RGL1: variants seen among roughly 807,000 people sequenced by gnomAD.
RGL1 encodes the protein ral guanine nucleotide dissociation stimulator-like 1.
Under a neutral mutation model 95.2 loss-of-function variants are expected in RGL1, and 24 were observed. That is an observed-to-expected ratio of 0.25 (90% CI 0.18 to 0.35). The LOEUF (loss-of-function observed/expected upper bound fraction) is 0.35, where lower values mean the gene tolerates loss of function less well. Ranked by LOEUF, RGL1 falls within the 10% of genes least tolerant of loss-of-function variation. RGL1 has a pLI of 1.00. For missense variants in RGL1, 715 were observed against 936.3 expected, an observed-to-expected ratio of 0.76 and a Z score of 3.08; for synonymous variants, 329 against 344.9, an observed-to-expected ratio of 0.95 and a Z score of 0.51.
intron 1 of RGL1, among the ~76,000 whole-genome samples, chr1:183,685,635 C>T (rs770368505): frequency 6.6e-6 from 1 of 152,038 alleles, no homozygotes; most frequent in Non-Finnish European, 1.5e-5. Context: ...TGTAATAAAA[C>T]CTAGTATTAT....
chr1:183,856,256 C>T (rs954776541), intron 3 of RGL1, among the ~76,000 whole-genome samples: 16 of 151,114 alleles, frequency 1.1e-4, no homozygotes, highest in Admixed American at 2.0e-4. Context: ...GCAAAAAAAC[C>T]CAAAAAAACT....
At chr1:183,728,892 T>A (rs569049520) in intron 1 of RGL1, among the ~76,000 whole-genome samples, 1 of 152,298 alleles carries the variant, frequency 6.6e-6, no homozygotes, top group South Asian at 2.1e-4. Flanking sequence ...TGGAAAGGAA[T>A]ACCTTTTCAA....
intron 4 of RGL1, 119 bp downstream of exon 4, chr1:183,866,192 A>C: frequency 1.3e-6 from 1 of 755,274 alleles, no homozygotes; most frequent in Non-Finnish European, 2.2e-6. Flanking sequence ...TAGTGCATAC[A>C]GAGGCTTATT....
intron 10 of RGL1, 48 bp downstream of exon 10, chr1:183,897,945 C>T (rs760527332): frequency 3.1e-5 from 47 of 1,529,366 alleles, no homozygotes; most frequent in Admixed American, 1.0e-4. Flanking sequence ...GGAGAAGGGC[C>T]GTGTGCGTCT....
chr1:183,893,964 C>T (rs1667557160), intron 9 of RGL1, among the ~76,000 whole-genome samples: 1 of 152,178 alleles, frequency 6.6e-6, no homozygotes, highest in Admixed American at 6.5e-5. Flanking sequence ...ACTATTAGCC[C>T]TTCTTGGAGT....
At chr1:183,734,701 G>A (rs1054121004) in intron 1 of RGL1, among the ~76,000 whole-genome samples, 2 of 152,196 alleles carry the variant, frequency 1.3e-5, no homozygotes, top group Non-Finnish European at 2.9e-5. Context: ...GGACAGTCAT[G>A]TGATTTACAG....
chr1:183,738,969 G>T (rs1657119844), intron 1 of RGL1, among the ~76,000 whole-genome samples: 1 of 152,156 alleles, frequency 6.6e-6, no homozygotes, highest in African/African-American at 2.4e-5. Flanking sequence ...AAAAGGACAG[G>T]TTGGTAGCAG....
At chr1:183,910,112 C>T (rs776294662) in intron 14 of RGL1, among the ~76,000 whole-genome samples, 3 of 152,192 alleles carry the variant, frequency 2.0e-5, no homozygotes, top group South Asian at 2.1e-4. Context: ...CTTCCTCACT[C>T]GCTCTCTTTC....
intron 2 of RGL1, among the ~76,000 whole-genome samples, chr1:183,844,996 A>G (rs1198515656): frequency 6.6e-6 from 1 of 152,230 alleles, no homozygotes; most frequent in Admixed American, 6.5e-5. Flanking sequence ...GGTCTTTCTG[A>G]AAGCAATCCA....
At chr1:183,670,696 A>G (rs1652380186) in intron 1 of RGL1, among the ~76,000 whole-genome samples, 1 of 152,058 alleles carries the variant, frequency 6.6e-6, no homozygotes, top group South Asian at 2.1e-4. Context: ...TACTTTTCTG[A>G]TGGTTCTAAG....
chr1:183,843,372 G>A (rs184398793), intron 2 of RGL1, among the ~76,000 whole-genome samples: 107 of 152,356 alleles, frequency 7.0e-4, no homozygotes, highest in African/African-American at 2.6e-3. Flanking sequence ...GGGACTTACA[G>A]GAATCATGTA....
chr1:183,916,394 C>A lies in RGL1; in HGVS notation c.1750-53C>A, dbSNP rs1668971118. On this transcript the variant is annotated intron_variant, in intron 15 of 17. Transcript: ENST00000360851. ...TACCTCTGCTTTGAAAATTGCAAAG[C>A]TGTTGGCCAGCGTTCTAATCTGTTT... The A allele has an allele frequency of 1.3e-6, 2 of 1,595,356 alleles. 1 individual carries two copies. The highest frequency in any genetic ancestry group is 3.4e-5 in the Admixed American group (2 of 58,020).
chr1:183,654,895 C>T (rs1651035968), intron 1 of RGL1, among the ~76,000 whole-genome samples: 1 of 152,154 alleles, frequency 6.6e-6, no homozygotes, highest in African/African-American at 2.4e-5. Flanking sequence ...GGCAACATTC[C>T]ATTTAGGTTG....
At chr1:183,700,930 G>A (rs1265298412) in intron 1 of RGL1, among the ~76,000 whole-genome samples, 3 of 151,974 alleles carry the variant, frequency 2.0e-5, no homozygotes, top group Admixed American at 6.6e-5. Context: ...GACAGGCCCC[G>A]GTGTGTGATG....
At chr1:183,907,249 T>C (rs777700391) in intron 14 of RGL1, 148 bp downstream of exon 14, 59 of 618,858 alleles carry the variant, frequency 9.5e-5, no homozygotes, top group Non-Finnish European at 1.5e-4. Context: ...TGTCATGAAC[T>C]CAAAGCATTT....
intron 1 of RGL1, among the ~76,000 whole-genome samples, chr1:183,695,808 A>G (rs1295381181): frequency 1.3e-5 from 2 of 152,190 alleles, no homozygotes; most frequent in Non-Finnish European, 2.9e-5. Context: ...AGTATTTGAA[A>G]TCTAGATTTG....
intron 2 of RGL1, among the ~76,000 whole-genome samples, chr1:183,827,926 A>G (rs1427402531): frequency 6.6e-6 from 1 of 152,250 alleles, no homozygotes; most frequent in East Asian, 1.9e-4. Flanking sequence ...TGGTTACATA[A>G]TATAATGGTC....
intron 2 of RGL1, among the ~76,000 whole-genome samples, chr1:183,765,600 T>C (rs756590378): frequency 7.6e-4 from 115 of 152,230 alleles, no homozygotes; most frequent in Admixed American, 5.3e-3. Flanking sequence ...GTTAGCAGTC[T>C]TTATGAACAC....
intron 2 of RGL1, among the ~76,000 whole-genome samples, chr1:183,782,361 T>C (rs1290975408): frequency 6.6e-6 from 1 of 152,216 alleles, no homozygotes; most frequent in East Asian, 1.9e-4. Context: ...TAAAGGAAAC[T>C]CAGTGCGTTC....
Sources: gnomAD v4.1 joint callset for allele counts (sites outside exome capture counted in the v4.1 genomes callset) on GRCh38, gnomAD v4.1.1 for gene constraint, MANE v1.5 for transcripts, NCBI Gene and HGNC (gene_info 2026-07-23, HGNC 2026-07-21) for gene names.